ZNF609: variants seen among roughly 807,000 people sequenced by gnomAD.
ZNF609 encodes zinc finger protein 609.
A neutral mutation model predicts 109.5 loss-of-function variants in ZNF609; 11 were observed. That is an observed-to-expected ratio of 0.10 (90% CI 0.06 to 0.17). ZNF609 has a LOEUF of 0.17. Among genes scored for constraint, ZNF609 ranks in the 10% least tolerant of loss-of-function variants. ZNF609 has a pLI of 1.00. For synonymous variants in ZNF609, 646 were observed against 662.0 expected, an observed-to-expected ratio of 0.98 and a Z score of 0.37; for missense variants, 1,559 against 1,772.4, an observed-to-expected ratio of 0.88 and a Z score of 2.16.
chr15:64,539,368 C>T (rs1369402187), intron 2 of ZNF609, among the ~76,000 whole-genome samples: 10 of 151,814 alleles, frequency 6.6e-5, no homozygotes, highest in East Asian at 3.9e-4. Context: ...CCACCACGCC[C>T]GGCTAATTTT....
chr15:64,558,959 T>C lies in ZNF609; in HGVS notation c.747+58793T>C, dbSNP rs1368190689. 3.3e-5 allele frequency among the ~76,000 whole-genome samples: 5 copies of C among 152,242 alleles called. No homozygotes were observed. In the East Asian group the frequency reaches 7.7e-4, roughly 23 times the overall value. On this transcript the variant is annotated intron_variant, in intron 2 of 9. Coordinates refer to ENST00000326648, the MANE Select transcript of ZNF609 (RefSeq NM_015042.2). ...ATCTGGACCTTGACCCAAGAAGTTA[T>C]GATTTTTCTCACTGTTTCACTCTAT... is the stretch of plus-strand genomic sequence containing the variant.
chr15:64,609,108 CTTTCTTTCTTTCTTTCTTTCTTTT>C (rs1567028274), intron 2 of ZNF609, among the ~76,000 whole-genome samples: 3 of 32,462 alleles, frequency 9.2e-5, no homozygotes, highest in African/African-American at 1.8e-4. Context: ...TTCTTTCTTT[CTTTCTTTCTTTCTTTCTTTCTTTT>C]TTTCTTTCTT....
intron 2 of ZNF609, among the ~76,000 whole-genome samples, chr15:64,579,674 C>T (rs1483322534): frequency 1.3e-5 from 2 of 150,976 alleles, no homozygotes; most frequent in African/African-American, 4.9e-5. Flanking sequence ...CTTGCTACTG[C>T]ACTCCAGCCT....
intron 1 of ZNF609, among the ~76,000 whole-genome samples, chr15:64,477,386 G>A (rs939139893): frequency 6.6e-6 from 1 of 151,436 alleles, no homozygotes; most frequent in South Asian, 2.1e-4. Flanking sequence ...GTGATCCGCC[G>A]GCCTCAGCCT....
intron 2 of ZNF609, among the ~76,000 whole-genome samples, chr15:64,605,586 A>T (rs1595735924): frequency 2.0e-5 from 3 of 152,332 alleles, no homozygotes; most frequent in Admixed American, 2.0e-4. Flanking sequence ...ACATTCAGTT[A>T]ATCATTACAA....
chr15:64,493,308 C>G (rs1893439685), intron 1 of ZNF609, among the ~76,000 whole-genome samples: 1 of 152,042 alleles, frequency 6.6e-6, no homozygotes, highest in Non-Finnish European at 1.5e-5. Context: ...CATTCTTACC[C>G]TTGTCGAAGG....
chr15:64,638,717 G>A (rs940540552), intron 3 of ZNF609, among the ~76,000 whole-genome samples: 6 of 151,926 alleles, frequency 3.9e-5, no homozygotes, highest in South Asian at 4.1e-4. Context: ...ACAACATGGC[G>A]AAACTCCATC....
chr15:64,609,925 G>A (rs1895690392), intron 2 of ZNF609, among the ~76,000 whole-genome samples: 2 of 151,906 alleles, frequency 1.3e-5, no homozygotes, highest in African/African-American at 4.8e-5. Flanking sequence ...CTGCTCGGGA[G>A]GCTGAGGCAT....
intron 1 of ZNF609, among the ~76,000 whole-genome samples, chr15:64,478,155 G>GGTGTGT (rs149241970): frequency 0.17 from 23,106 of 138,088 alleles, 2,371 homozygotes; most frequent in East Asian, 0.46. Context: ...TTAGAATAAA[G>GGTGTGT]GTGTGTGTGT....
chr15:64,540,549 T>C (rs1190147426), intron 2 of ZNF609, among the ~76,000 whole-genome samples: 1 of 151,666 alleles, frequency 6.6e-6, no homozygotes, highest in African/African-American at 2.4e-5. Flanking sequence ...GGACTACAGG[T>C]GCGTGCCACT....
intron 2 of ZNF609, among the ~76,000 whole-genome samples, chr15:64,550,182 T>G (rs1894442001): frequency 6.6e-6 from 1 of 151,976 alleles, no homozygotes; most frequent in Non-Finnish European, 1.5e-5. Context: ...CTTGAAATCC[T>G]TGGCTCAAGT....
At chr15:64,569,231 G>A (rs1894824376) in intron 2 of ZNF609, among the ~76,000 whole-genome samples, 1 of 152,054 alleles carries the variant, frequency 6.6e-6, no homozygotes. Context: ...TTTCATTGTG[G>A]CATTTATTCC....
intron 3 of ZNF609, among the ~76,000 whole-genome samples, chr15:64,630,612 G>A (rs934963650): frequency 7.3e-5 from 11 of 151,290 alleles, no homozygotes; most frequent in African/African-American, 2.7e-4. Flanking sequence ...CCCAGCTGGA[G>A]CGTAGTGGTG....
chr15:64,586,537 A>G (rs527868729), intron 2 of ZNF609, among the ~76,000 whole-genome samples: 1 of 152,176 alleles, frequency 6.6e-6, no homozygotes, highest in East Asian at 1.9e-4. Flanking sequence ...CGGGAACCCT[A>G]TTGTGAACTG....
At chr15:64,607,839 CTTT>C (rs1895631873) in intron 2 of ZNF609, among the ~76,000 whole-genome samples, 1 of 25,210 alleles carries the variant, frequency 4.0e-5, no homozygotes, top group Non-Finnish European at 1.3e-4. Context: ...TTCTTTCTTT[CTTT>C]CTTTCTTTCT....
At chr15:64,528,609 A>C in intron 2 of ZNF609, 1 of 714,204 alleles carries the variant, frequency 1.4e-6, no homozygotes, top group Non-Finnish European at 2.4e-6. Context: ...GGGACTCCCC[A>C]GCAGTAAGAG....
intron 6 of ZNF609, among the ~76,000 whole-genome samples, 183 bp downstream of exon 6, chr15:64,678,665 T>C (rs571874880): frequency 2.2e-4 from 34 of 152,326 alleles, no homozygotes; most frequent in South Asian, 2.1e-3. Flanking sequence ...GAATGACCCA[T>C]AATGATAGTC....
intron 2 of ZNF609, chr15:64,528,623 C>T (rs1894007891): frequency 1.3e-6 from 1 of 789,662 alleles, no homozygotes; most frequent in Non-Finnish European, 2.1e-6. Flanking sequence ...GTAAGAGCTT[C>T]TGTCTTCCTC....
intron 2 of ZNF609, among the ~76,000 whole-genome samples, chr15:64,511,541 C>G (rs986710044): frequency 2.0e-5 from 3 of 150,360 alleles, no homozygotes; most frequent in Non-Finnish European, 4.4e-5. Context: ...ACCAAATCAG[C>G]ATACTGAATG....
Sources: allele counts gnomAD v4.1 joint callset (sites outside exome capture counted in the v4.1 genomes callset), GRCh38; gene constraint gnomAD v4.1.1; transcripts MANE v1.5; gene names NCBI Gene and HGNC (gene_info 2026-07-23, HGNC 2026-07-21).